Variants in BICD2 observed in about 807,000 individuals in gnomAD.
BICD2 encodes protein bicaudal D homolog 2.
Under a neutral mutation model 72.9 loss-of-function variants are expected in BICD2, and 25 were observed. That is an observed-to-expected ratio of 0.34 (90% CI 0.25 to 0.48). The LOEUF (loss-of-function observed/expected upper bound fraction) is 0.48. Ranked by LOEUF, BICD2 falls within the 20% of genes least tolerant of loss-of-function variation. The pLI is 0.99. For synonymous variants in BICD2, 501 were observed against 516.1 expected (o/e 0.97, Z 0.40); for missense variants, 894 against 1,175.2 (o/e 0.76, Z 3.50).
chr9:92,719,676 A>G, intron 4 of BICD2, 94 bp from the exon 5 acceptor site: 1 of 1,309,266 alleles, frequency 7.6e-7, no homozygotes, highest in Non-Finnish European at 1.0e-6. Flanking sequence ...ATCCCACCCC[A>G]TGTCAGGGCA....
At chr9:92,738,457 G>A (rs1378403941) in intron 1 of BICD2, among the ~76,000 whole-genome samples, 1 of 152,180 alleles carries the variant, frequency 6.6e-6, no homozygotes, top group Non-Finnish European at 1.5e-5. Context: ...GGGCTGCCTG[G>A]CTCTGTGGCA....
intron 1 of BICD2, among the ~76,000 whole-genome samples, chr9:92,753,793 C>T (rs924490427): frequency 5.9e-5 from 9 of 151,852 alleles, no homozygotes; most frequent in Non-Finnish European, 1.3e-4. Context: ...CCTGCCTCGT[C>T]CTCCCAAAGT....
rs1015231904 is a variant in BICD2, at chr9:92,711,834, T to C, written c.*3320A>G. 1.3e-5 allele frequency: 2 copies of C among 152,506 alleles called. No homozygotes were observed. Among genetic ancestry groups the C allele is most frequent in the Non-Finnish European group, 2.9e-5 (2 of 68,040 alleles). The allele number at this position is 152,506 out of a possible 1,614,324, so 9.4% of individuals were successfully genotyped here. ...AAACAGAATTCTTTTATTTTTGTCATTTATATTATTATAATTTTTCCTTTT... is the reference window on the plus strand; with the variant it reads ...AAACAGAATTCTTTTATTTTTGTCACTTATATTATTATAATTTTTCCTTTT... On this transcript the variant is annotated 3_prime_UTR_variant, in exon 7 of 7. Coordinates refer to ENST00000356884, the MANE Select transcript of BICD2 (RefSeq NM_001003800.2).
chr9:92,742,445 C>T (rs187907646), intron 1 of BICD2, among the ~76,000 whole-genome samples: 24 of 150,158 alleles, frequency 1.6e-4, no homozygotes, highest in Non-Finnish European at 2.8e-4. Context: ...AGTGCAGTGG[C>T]GCGATCTTGG....
intron 1 of BICD2, among the ~76,000 whole-genome samples, chr9:92,733,302 T>C (rs12686058): frequency 0.28 from 43,010 of 151,210 alleles, 7,084 homozygotes; most frequent in East Asian, 0.76. Context: ...CTTTGGAAGG[T>C]CGAGGCGGGC....
chr9:92,752,836 A>C (rs943814528), intron 1 of BICD2, among the ~76,000 whole-genome samples: 4 of 152,238 alleles, frequency 2.6e-5, no homozygotes, highest in African/African-American at 9.6e-5. Context: ...AAAGTCTGCC[A>C]TGCAGAAAAA....
At chr9:92,760,125 C>T (rs1163909917) in intron 1 of BICD2, among the ~76,000 whole-genome samples, 4 of 152,284 alleles carry the variant, frequency 2.6e-5, no homozygotes, top group Admixed American at 6.5e-5. Flanking sequence ...GGCCCAGACT[C>T]CCCCTGTGGA....
intron 1 of BICD2, among the ~76,000 whole-genome samples, chr9:92,755,970 G>A (rs1854246392): frequency 6.6e-6 from 1 of 152,238 alleles, no homozygotes; most frequent in Non-Finnish European, 1.5e-5. Flanking sequence ...CTGGCTCCAG[G>A]TCACAGAAGT....
In BICD2 at chr9:92,729,260, G is replaced by A. The variant is rs376722563; in HGVS notation, c.241-24C>T. On this transcript the variant is annotated intron_variant, in intron 1 of 6. Transcript: ENST00000356884. ...GCCTGCATCAGAAGACAAGACACTC[G>A]TGAGGTGGGCCTCCCAGGGGCGCCG... 1.6e-4 allele frequency: 254 copies of A among 1,612,102 alleles called. 1 individual carries two copies. Among genetic ancestry groups the A allele is most frequent in the Non-Finnish European group, 2.1e-4 (248 of 1,178,576 alleles).
chr9:92,733,837 G>A (rs1239147426), intron 1 of BICD2, among the ~76,000 whole-genome samples: 1 of 152,030 alleles, frequency 6.6e-6, no homozygotes, highest in Non-Finnish European at 1.5e-5. Flanking sequence ...CGTGGCGGCG[G>A]GCGCCCGTAG....
In BICD2 at chr9:92,720,693, G is replaced by T; in HGVS notation, c.669C>A (p.Asn223Lys). The T allele has an allele frequency of 6.2e-7, 1 of 1,614,206 alleles. No individual in the cohort carries two copies. The highest frequency in any genetic ancestry group is 8.5e-7 in the Non-Finnish European group (1 of 1,180,042). The change falls in exon 4 of 7, where the codon AAC (asparagine) becomes AAA (lysine). Residue 223 changes from asparagine (N) to lysine (K), a missense_variant. Physicochemically the swap from Asn to Lys is moderately conservative, Grantham distance 94. Transcript: ENST00000356884. This position sits in a 1 kb window ranked among gnomAD's most constrained non-coding sequence, Gnocchi z 5.4. The stretch of plus-strand genomic sequence containing the variant: ...GGCGGATGGCATCCTCCAGCTGGCT[G>T]TTGAGGTACTCGGTCTCCTCCTCCA... The part of the protein sequence containing the change: ...KRLEEETEYL[N>K]SQLEDAIRLK...
intron 1 of BICD2, among the ~76,000 whole-genome samples, chr9:92,739,879 A>ATG (rs1416285040): frequency 6.6e-6 from 1 of 152,190 alleles, no homozygotes; most frequent in Non-Finnish European, 1.5e-5. Flanking sequence ...GAAGGTCTGC[A>ATG]TGTGCTGTTC....
intron 2 of BICD2, among the ~76,000 whole-genome samples, chr9:92,723,960 A>G (rs952309484): frequency 8.5e-5 from 13 of 152,208 alleles, no homozygotes; most frequent in Admixed American, 2.0e-4. Context: ...TGGCCACCAG[A>G]CACGGCTGCC....
intron 2 of BICD2, among the ~76,000 whole-genome samples, chr9:92,727,063 C>T (rs1004467038): frequency 6.6e-6 from 1 of 152,176 alleles, no homozygotes; most frequent in African/African-American, 2.4e-5. Flanking sequence ...CTCCTCCCAC[C>T]GACCAGAGGG....
At chr9:92,722,579 G>A in intron 3 of BICD2, 77 bp downstream of exon 3, 1 of 1,589,554 alleles carries the variant, frequency 6.3e-7, no homozygotes. Flanking sequence ...TTCCCAACAG[G>A]GAGAGGGGCT....
rs1169381290 is a variant in BICD2 at position 92,757,312 on chromosome 9, C to CAAA, written c.240+7190_240+7192dup. Among the ~76,000 whole-genome samples the CAAA allele has an allele frequency of 3.0e-3, 156 of 52,728 alleles. 6 individuals carry two copies. Among genetic ancestry groups the CAAA allele is most frequent in the African/African-American group, 0.013 (139 of 11,076 alleles). The allele number at this position is 52,728 out of a possible 152,430, so 34.6% of individuals were successfully genotyped here. On this transcript the variant is annotated intron_variant, in intron 1 of 6. Coordinates refer to ENST00000356884, the MANE Select transcript of BICD2 (RefSeq NM_001003800.2). ...CTGGGCGACAGAACGAGACTGTCTC[C>CAAA]AAAAAAAAAAAAAAAAAAAAAAAAA...
Position 92,718,965 on chromosome 9 carries a change from G to C in BICD2, c.1680C>G (p.Gly560=). The C allele has an allele frequency of 1.2e-6, 2 of 1,610,328 alleles. No homozygotes were observed. The highest frequency in any genetic ancestry group is 1.7e-6 in the Non-Finnish European group (2 of 1,179,882). ...GACTGGTGCGGCCGGCCCCGCCCTG[G>C]CCCTCGCGGTAGTAGTCCAGCATGA... ...NRVMLDYYRE[G]QGGAGRTSPG... The change falls in exon 5 of 7, where the codon GGC becomes GGG. Residue 560 remains glycine (G), a synonymous_variant. Transcript: ENST00000356884.
intron 1 of BICD2, among the ~76,000 whole-genome samples, chr9:92,738,186 G>A (rs1398492397): frequency 6.6e-6 from 1 of 152,224 alleles, no homozygotes; most frequent in Admixed American, 6.5e-5. Flanking sequence ...GGGCTACGGG[G>A]CCAAGTTCCC....
rs754867603 is a variant in BICD2, at chr9:92,719,067, C to T, written c.1578G>A (p.Glu526=). 2 of 1,613,082 alleles carry T rather than the reference C, an allele frequency of 1.2e-6. No homozygotes were observed. Among genetic ancestry groups the T allele is most frequent in the Non-Finnish European group, 1.7e-6 (2 of 1,179,976 alleles). ...TQGSLSVAQD[E]LVTFSEELAN... is the part of the protein sequence containing the mutation. The stretch of plus-strand genomic sequence containing the variant: ...CCAGCTCCTCACTGAAGGTCACCAG[C>T]TCATCCTGGGCCACACTCAGGCTGC... The change falls in exon 5 of 7, where the codon GAG becomes GAA. Residue 526 remains glutamate (E), a synonymous_variant. Transcript: ENST00000356884.
Sources: gnomAD v4.1 joint callset for allele counts (sites outside exome capture counted in the v4.1 genomes callset) on GRCh38, gnomAD v4.1.1 for gene constraint, Gnocchi (gnomAD v3.1) non-coding constraint, MANE v1.5 for transcripts, NCBI Gene and HGNC (gene_info 2026-07-23, HGNC 2026-07-21) for gene names.